H2AJ: variants seen among roughly 807,000 people sequenced by gnomAD.
H2AJ encodes the protein histone H2A.J.
Under a neutral mutation model 7.9 loss-of-function variants are expected in H2AJ, and 3 were observed. The ratio of observed to expected loss-of-function variants is 0.38; its 90% CI spans 0.17 to 0.98. The LOEUF is 0.98. H2AJ is among the 50% of genes least tolerant of loss of function. The pLI is 0.39. For missense variants in H2AJ, 128 were observed against 174.4 expected (o/e 0.73, Z 1.50); for synonymous variants, 98 against 85.7 (o/e 1.14, Z -0.79).
rs777470334 is a variant in H2AJ, at chr12:14,774,573, C to G, written c.103C>G (p.Leu35Val). ...QFPVGRVHRL[L>V]RKGNYAERVG... ...CCCGGTGGGCCGAGTGCACAGACTGCTGCGCAAAGGGAACTACGCGGAGCG... is the reference window on the plus strand; with the variant it reads ...CCCGGTGGGCCGAGTGCACAGACTGGTGCGCAAAGGGAACTACGCGGAGCG... The change falls in exon 1 of 1, where the codon CTG (leucine) becomes GTG (valine). Residue 35 changes from leucine to valine, a missense_variant. Physicochemically the swap from Leu to Val is conservative, Grantham distance 32. Coordinates refer to ENST00000544848, the MANE Select transcript of H2AJ (RefSeq NM_177925.5). The G allele has an allele frequency of 6.2e-7, 1 of 1,613,876 alleles. No homozygotes were observed.
At chr12:14,775,184 C>T (rs1949619417), downstream of H2AJ, 1 of 485,402 alleles carries the variant, frequency 2.1e-6, no homozygotes, top group Non-Finnish European at 4.1e-6. Flanking sequence ...GGAGGGTGGC[C>T]TGGAGGTGGG....
Position 14,774,588 on chromosome 12 carries a change from T to C in H2AJ, c.118T>C (p.Tyr40His), listed in dbSNP as rs1949602700. 4.3e-6 allele frequency: 7 copies of C among 1,613,966 alleles called. No individual in the cohort carries two copies. Among genetic ancestry groups the C allele is most frequent in the Non-Finnish European group, 5.9e-6 (7 of 1,179,974 alleles). The change falls in exon 1 of 1, where the codon TAC (tyrosine) becomes CAC (histidine). Residue 40 changes from tyrosine (Y) to histidine (H), a missense_variant. Physicochemically the swap from Tyr to His is moderately conservative, Grantham distance 83 (BLOSUM62 2). Coordinates refer to ENST00000544848, the MANE Select transcript of H2AJ (RefSeq NM_177925.5). The stretch of plus-strand genomic sequence containing the variant: ...GCACAGACTGCTGCGCAAAGGGAAC[T>C]ACGCGGAGCGAGTGGGCGCCGGGGC... ...RVHRLLRKGN[Y>H]AERVGAGAPV...
At chr12:14,776,493 T>C (rs2137216132), downstream of H2AJ, 1 of 167,244 alleles carries the variant, frequency 6.0e-6, no homozygotes, top group African/African-American at 2.4e-5. Context: ...ACACCTCTGT[T>C]AGGAGGCAAA....
At chr12:14,776,812 G>A (rs1317113582), downstream of H2AJ, 1 of 167,030 alleles carries the variant, frequency 6.0e-6, no homozygotes, top group Admixed American at 6.5e-5. Context: ...TTCTTAAAGG[G>A]ATGAGGCATC....
chr12:14,774,898 A>G lies in H2AJ; in HGVS notation c.*38A>G. The G allele has an allele frequency of 6.3e-7, 1 of 1,596,284 alleles. No individual in the cohort carries two copies. Among genetic ancestry groups the G allele is most frequent in the Non-Finnish European group, 8.5e-7 (1 of 1,171,356 alleles). ...CCTCAGGGAGCTGGCTCCCCCAGCAAAGGCCCTTTTCATGGTCGTCCCGCA... is the reference window on the plus strand; with the variant it reads ...CCTCAGGGAGCTGGCTCCCCCAGCAGAGGCCCTTTTCATGGTCGTCCCGCA... On this transcript the variant is annotated 3_prime_UTR_variant, in exon 1 of 1. Coordinates refer to ENST00000544848, the MANE Select transcript of H2AJ (RefSeq NM_177925.5).
chr12:14,774,567 A>G lies in H2AJ; in HGVS notation c.97A>G (p.Arg33Gly). The change falls in exon 1 of 1, where the codon AGA becomes GGA. Residue 33 changes from arginine to glycine, a missense_variant. Transcript: ENST00000544848. ...GLQFPVGRVH[R>G]LLRKGNYAER... ...GCAGTTCCCGGTGGGCCGAGTGCAC[A>G]GACTGCTGCGCAAAGGGAACTACGC... 1 of 1,613,804 alleles carries G rather than the reference A, an allele frequency of 6.2e-7. No homozygotes were observed. Among genetic ancestry groups the G allele is most frequent in the Non-Finnish European group, 8.5e-7 (1 of 1,179,896 alleles).
At chr12:14,775,364 C>T, downstream of H2AJ, 1 of 471,448 alleles carries the variant, frequency 2.1e-6, no homozygotes, top group Middle Eastern at 3.2e-4. Flanking sequence ...TCGAGCTGAG[C>T]TCGGGGCAGG....
At chr12:14,776,880 T>C (rs1182968528), downstream of H2AJ, 1 of 167,050 alleles carries the variant, frequency 6.0e-6, no homozygotes. Context: ...AAGACATTCA[T>C]AAGAAAAAGC....
downstream of H2AJ, chr12:14,777,264 G>C (rs1398091066): frequency 1.2e-5 from 2 of 166,972 alleles, no homozygotes; most frequent in Non-Finnish European, 2.9e-5. Flanking sequence ...AAAGGCCTAA[G>C]ACAAAATCTG....
rs1439703747 is a variant in H2AJ, at chr12:14,774,875, T to C, written c.*15T>C. ...AGAGCAAATGACCCTGACGCCGCCC[T>C]CAGGGAGCTGGCTCCCCCAGCAAAG... On this transcript the variant is annotated 3_prime_UTR_variant, in exon 1 of 1. Coordinates refer to ENST00000544848, the MANE Select transcript of H2AJ (RefSeq NM_177925.5). 2 of 1,610,298 alleles carry C rather than the reference T, an allele frequency of 1.2e-6. No individual in the cohort carries two copies. The highest frequency in any genetic ancestry group is 1.7e-6 in the Non-Finnish European group (2 of 1,178,124).
chr12:14,776,714 T>C (rs1386138996), downstream of H2AJ: 1 of 167,082 alleles, frequency 6.0e-6, no homozygotes, highest in Non-Finnish European at 1.5e-5. Flanking sequence ...TTTTAAAAAA[T>C]GCCTCATTGT....
downstream of H2AJ, chr12:14,775,171 A>AGGGGAGGGTGGCCTGGAGGT (rs1293024953): frequency 6.2e-6 from 3 of 486,052 alleles, no homozygotes; most frequent in African/African-American, 3.9e-5. Context: ...TCGAGGCGTC[A>AGGGGAGGGTGGCCTGGAGGT]GGGGAGGGTG....
At chr12:14,777,887 C>T (rs143512533), downstream of H2AJ, 56 of 167,162 alleles carry the variant, frequency 3.4e-4, no homozygotes, top group Admixed American at 9.2e-4. Flanking sequence ...AGCAATCCTT[C>T]GACTTTTGTG....
chr12:14,775,705 C>T (rs1949630017), downstream of H2AJ: 1 of 283,432 alleles, frequency 3.5e-6, no homozygotes, highest in Non-Finnish European at 7.4e-6. Flanking sequence ...ATCCTGTCTT[C>T]ATCATATCAT....
downstream of H2AJ, chr12:14,776,256 A>G (rs949510760): frequency 6.0e-6 from 1 of 167,112 alleles, no homozygotes; most frequent in Non-Finnish European, 1.5e-5. Flanking sequence ...CAGGCTCTGT[A>G]CAAAGTGATA....
chr12:14,774,430 C>T lies in H2AJ; in HGVS notation c.-41C>T. The T allele has an allele frequency of 6.6e-7, 1 of 1,524,288 alleles. No individual in the cohort carries two copies. The highest frequency in any genetic ancestry group is 8.8e-7 in the Non-Finnish European group (1 of 1,137,972). 94.4% of individuals were successfully genotyped at this position (1,524,288 alleles called of 1,614,324 possible). A position where few individuals can be genotyped will look rare whatever the true frequency, so the allele number is the denominator to read the frequency against. On this transcript the variant is annotated 5_prime_UTR_variant, in exon 1 of 1. Coordinates refer to ENST00000544848, the MANE Select transcript of H2AJ (RefSeq NM_177925.5). Reference sequence around the variant, plus strand: ...GCATTCCGGTACCGGACGCCGAGAGCGGTTTGTCTCCGTCTCTGGAGTTGT... The same window carrying T: ...GCATTCCGGTACCGGACGCCGAGAGTGGTTTGTCTCCGTCTCTGGAGTTGT...
downstream of H2AJ, chr12:14,775,301 C>T (rs1436960901): frequency 2.1e-6 from 1 of 472,022 alleles, no homozygotes; most frequent in Non-Finnish European, 4.4e-6. Flanking sequence ...AGCCTTCGCT[C>T]TCCTGCCAGT....
chr12:14,774,914 T>C lies in H2AJ; in HGVS notation c.*54T>C. 1 of 1,573,086 alleles carries C rather than the reference T, an allele frequency of 6.4e-7. No homozygotes were observed. The highest frequency in any genetic ancestry group is 8.6e-7 in the Non-Finnish European group (1 of 1,158,370). On this transcript the variant is annotated 3_prime_UTR_variant, in exon 1 of 1. Transcript: ENST00000544848. ...CCCCCAGCAAAGGCCCTTTTCATGG[T>C]CGTCCCGCAATGCTTTTGAATGTGC...
rs1417529706 is a variant in H2AJ, at chr12:14,774,421, C to T, written c.-50C>T. The T allele has an allele frequency of 4.6e-6, 7 of 1,522,128 alleles. No homozygotes were observed. The highest frequency in any genetic ancestry group is 4.2e-5 in the African/African-American group (3 of 71,784). The allele number at this position is 1,522,128 out of a possible 1,614,324, so 94.3% of individuals were successfully genotyped here. ...CGGTACGTTGCATTCCGGTACCGGA[C>T]GCCGAGAGCGGTTTGTCTCCGTCTC... On this transcript the variant is annotated 5_prime_UTR_variant, in exon 1 of 1. It adds an upstream start codon to the 5' untranslated region. Transcript: ENST00000544848.
Sources: gnomAD v4.1 joint callset for allele counts on GRCh38, gnomAD v4.1.1 for gene constraint, MANE v1.5 for transcripts, NCBI Gene and HGNC (gene_info 2026-07-23, HGNC 2026-07-21) for gene names.